Variants in PNPLA8 observed in about 807,000 individuals in gnomAD.
PNPLA8 encodes calcium-independent phospholipase A2-gamma.
Under a neutral mutation model 76.9 loss-of-function variants are expected in PNPLA8, and 39 were observed. That is an observed-to-expected ratio of 0.51 (90% CI 0.39 to 0.66). PNPLA8 has a LOEUF of 0.66. Ranked by LOEUF, PNPLA8 falls within the 30% of genes least tolerant of loss-of-function variation. The pLI, the probability that PNPLA8 is intolerant of heterozygous loss-of-function variation, is 0.00. For missense variants in PNPLA8, 887 were observed against 918.0 expected (o/e 0.97, Z 0.44); for synonymous variants, 301 against 307.9 (o/e 0.98, Z 0.24).
In PNPLA8 at chr7:108,502,953, T is replaced by C. The variant is rs73713130; in HGVS notation, c.1207-311A>G. Among the ~76,000 whole-genome samples the C allele has an allele frequency of 6.4e-3, 969 of 152,318 alleles. 13 individuals are homozygous for C. The highest frequency in any genetic ancestry group is 0.022 in the African/African-American group (927 of 41,572). Reference sequence around the variant, plus strand: ...TTATTATAACAAAAGGTTAACATTATAAATTTTGTATAATATTTAGTCCAA... The same window carrying C: ...TTATTATAACAAAAGGTTAACATTACAAATTTTGTATAATATTTAGTCCAA... On this transcript the variant is annotated intron_variant, in intron 4 of 10. Transcript: ENST00000257694.
At chr7:108,498,618 A>C (rs1861731181) in intron 5 of PNPLA8, among the ~76,000 whole-genome samples, 1 of 151,526 alleles carries the variant, frequency 6.6e-6, no homozygotes, top group Non-Finnish European at 1.5e-5. Flanking sequence ...ATTTTTAAAA[A>C]CTCTCAATAA....
chr7:108,474,615 A>G (rs1416217574), intron 10 of PNPLA8, among the ~76,000 whole-genome samples: 1 of 152,206 alleles, frequency 6.6e-6, no homozygotes, highest in Non-Finnish European at 1.5e-5. Context: ...ACTTTTGTGT[A>G]TGGTGCAAAG....
chr7:108,505,653 G>A (rs1028301768), intron 4 of PNPLA8, among the ~76,000 whole-genome samples: 6 of 151,778 alleles, frequency 4.0e-5, no homozygotes, highest in Admixed American at 6.6e-5. Context: ...GAGCCACGGC[G>A]CCTGGCCAAA....
chr7:108,520,670 T>C (rs1334092399), intron 2 of PNPLA8, among the ~76,000 whole-genome samples: 2 of 152,124 alleles, frequency 1.3e-5, no homozygotes, highest in African/African-American at 4.8e-5. Flanking sequence ...TTACACATTG[T>C]ATGCATGTAT....
intron 4 of PNPLA8, chr7:108,511,112 T>C (rs1042185903): frequency 4.9e-6 from 3 of 607,538 alleles, no homozygotes; most frequent in Non-Finnish European, 8.4e-6. Flanking sequence ...TCCTTTCCTG[T>C]AAAATTTGTA....
intron 4 of PNPLA8, among the ~76,000 whole-genome samples, chr7:108,507,155 C>T (rs1463025867): frequency 6.6e-6 from 1 of 151,604 alleles, no homozygotes; most frequent in Non-Finnish European, 1.5e-5. Flanking sequence ...CCATCCTGGC[C>T]AACATGGTGA....
chr7:108,491,575 C>T, intron 7 of PNPLA8, 108 bp from the exon 8 acceptor site: 3 of 733,944 alleles, frequency 4.1e-6, no homozygotes, highest in Non-Finnish European at 7.2e-6. Context: ...TGTCAAAGTG[C>T]TATGAAGGAA....
In PNPLA8 at chr7:108,514,248, G is replaced by C. The variant is rs1337609478; in HGVS notation, c.1102C>G (p.Gln368Glu). ...GGGTCAGTTGTTCTTCTTAATGCCTGAACTAATGCCCGGGTCCTGTTATCA... is the reference window on the plus strand; with the variant it reads ...GGGTCAGTTGTTCTTCTTAATGCCTCAACTAATGCCCGGGTCCTGTTATCA... ...SIDNRTRALV[Q>E]ALRRTTDPKL... Residue 368 changes from glutamine to glutamate, a missense_variant, in exon 4 of 11, where the codon CAG (glutamine) becomes GAG (glutamate). By Grantham distance (29) the Gln-to-Glu change is conservative (BLOSUM62 2). Coordinates refer to ENST00000257694, the MANE Select transcript of PNPLA8 (RefSeq NM_001256007.3). The C allele has an allele frequency of 9.3e-6, 15 of 1,610,998 alleles. No homozygotes were observed. The highest frequency in any genetic ancestry group is 1.3e-5 in the Non-Finnish European group (15 of 1,177,296).
At chr7:108,474,718 T>C (rs370970798) in intron 10 of PNPLA8, among the ~76,000 whole-genome samples, 4 of 152,212 alleles carry the variant, frequency 2.6e-5, no homozygotes, top group Non-Finnish European at 5.9e-5. Flanking sequence ...CTTAGCATCT[T>C]TGTAAAAAGT....
chr7:108,498,338 C>T (rs1861707916), intron 5 of PNPLA8, among the ~76,000 whole-genome samples: 1 of 151,678 alleles, frequency 6.6e-6, no homozygotes, highest in Admixed American at 6.6e-5. Flanking sequence ...TCACTGGGCT[C>T]ACTGCAACCT....
In PNPLA8 at chr7:108,515,031, A is replaced by G. The variant is rs149352248; in HGVS notation, c.461T>C (p.Ile154Thr). ...GTCACTATATTTTTTCAGAGATTTG[A>G]TGGCTTGTTTGATGTTTTTCTGTTT... ...WLKQKNIKQA[I>T]KSLKKYSDKS... Residue 154 changes from isoleucine (I) to threonine (T), a missense_variant, in exon 3 of 11, where the codon ATC becomes ACC. Physicochemically the swap from Ile to Thr is moderately conservative, Grantham distance 89 (BLOSUM62 -1). Transcript: ENST00000257694. The G allele has an allele frequency of 3.0e-5, 49 of 1,607,488 alleles. No individual in the cohort carries two copies. In the African/African-American group the frequency reaches 5.6e-4, roughly 18 times the overall value.
chr7:108,521,771 C>A (rs1863753625), intron 1 of PNPLA8, among the ~76,000 whole-genome samples: 1 of 152,074 alleles, frequency 6.6e-6, no homozygotes, highest in Non-Finnish European at 1.5e-5. Flanking sequence ...ACAGCAAGAA[C>A]TACAAGGTGG....
chr7:108,526,346 A>AAGCCGCGACAGG (rs1864086389), upstream of PNPLA8: 1 of 85,806 alleles, frequency 1.2e-5, no homozygotes, highest in Non-Finnish European at 2.4e-5. Context: ...GCCGCGACAG[A>AAGCCGCGACAGG]CGTGTGTGCG....
intron 4 of PNPLA8, 41 bp from the exon 5 acceptor site, chr7:108,502,683 C>T (rs1862053902): frequency 6.8e-7 from 1 of 1,477,888 alleles, no homozygotes; most frequent in African/African-American, 1.4e-5. Context: ...TTTGTCAAAT[C>T]AAGACTGAAA....
At chr7:108,522,265 G>C (rs1230065461) in intron 1 of PNPLA8, among the ~76,000 whole-genome samples, 4 of 150,068 alleles carry the variant, frequency 2.7e-5, no homozygotes, top group South Asian at 4.2e-4. Flanking sequence ...CTGAACTGCA[G>C]CCTGGGTGAC....
chr7:108,484,491 G>A (rs1305192100), intron 9 of PNPLA8, among the ~76,000 whole-genome samples: 1 of 152,084 alleles, frequency 6.6e-6, no homozygotes, highest in Non-Finnish European at 1.5e-5. Context: ...CTCCCAAAGT[G>A]CTGGGATTAC....
chr7:108,479,727 C>G (rs1860261515), intron 9 of PNPLA8, among the ~76,000 whole-genome samples: 1 of 152,176 alleles, frequency 6.6e-6, no homozygotes. Context: ...AACTGTGGTT[C>G]TACCAAACAA....
intron 5 of PNPLA8, among the ~76,000 whole-genome samples, chr7:108,498,883 G>A (rs16872577): frequency 0.1 from 15,402 of 152,152 alleles, 815 homozygotes; most frequent in Non-Finnish European, 0.11. Flanking sequence ...GGGTAGGTAA[G>A]TCCTGGAACA....
chr7:108,507,851 G>A (rs1306560629), intron 4 of PNPLA8, among the ~76,000 whole-genome samples: 1 of 150,678 alleles, frequency 6.6e-6, no homozygotes, highest in African/African-American at 2.5e-5. Flanking sequence ...TCATCCCTGG[G>A]ATGCAAGGCT....
Sources: gnomAD v4.1 joint callset for allele counts (sites outside exome capture counted in the v4.1 genomes callset) on GRCh38, gnomAD v4.1.1 for gene constraint, MANE v1.5 for transcripts, NCBI Gene and HGNC (gene_info 2026-07-23, HGNC 2026-07-21) for gene names.